Variants in EBF1 observed in about 807,000 individuals in gnomAD.
The protein encoded by EBF1 is EBF transcription factor 1, also known as transcription factor COE1.
A neutral mutation model predicts 68.4 loss-of-function variants in EBF1; 10 were observed. The ratio of observed to expected loss-of-function variants is 0.15; its 90% confidence interval spans 0.09 to 0.25. EBF1 has a LOEUF of 0.25. Among genes scored for constraint, EBF1 ranks in the 10% least tolerant of loss-of-function variants. The pLI is 1.00. For missense variants in EBF1, 509 were observed against 794.4 expected (o/e 0.64, Z 4.32); for synonymous variants, 298 against 299.8 (o/e 0.99, Z 0.06).
chr5:158,912,341 AATTT>A (rs1806172626), intron 6 of EBF1, among the ~76,000 whole-genome samples: 1 of 152,228 alleles, frequency 6.6e-6, no homozygotes, highest in East Asian at 1.9e-4. Flanking sequence ...AGCTTTGCCC[AATTT>A]AAAATGGAGT....
intron 6 of EBF1, among the ~76,000 whole-genome samples, chr5:159,064,728 C>G (rs775793022): frequency 2.0e-5 from 3 of 152,014 alleles, no homozygotes; most frequent in Non-Finnish European, 4.4e-5. Context: ...TGAGACATAT[C>G]CCATATATCT....
At chr5:159,059,553 T>C (rs1213158000) in intron 6 of EBF1, among the ~76,000 whole-genome samples, 1 of 152,234 alleles carries the variant, frequency 6.6e-6, no homozygotes. Context: ...CCAGTATGCA[T>C]TTGAGTAATT....
chr5:158,864,223 CAAAAAAAAA>C lies in EBF1; in HGVS notation c.555-24122_555-24114del, dbSNP rs34498854. 2.6e-4 allele frequency among the ~76,000 whole-genome samples: 15 copies of C among 58,568 alleles called. 1 individual carries two copies. Among genetic ancestry groups the C allele is most frequent in the Admixed American group, 1.8e-3 (8 of 4,428 alleles). The allele number at this position is 58,568 out of a possible 152,430, so 38.4% of individuals were successfully genotyped here. ...TGGGTGACAGAGCAAGACTCTGTCT[CAAAAAAAAA>C]AAAAAAAAAAAAAAAAATCTAACTC... On this transcript the variant is annotated intron_variant, in intron 6 of 15. Coordinates refer to ENST00000313708, the MANE Select transcript of EBF1 (RefSeq NM_024007.5).
chr5:158,948,683 A>G (rs776335704), intron 6 of EBF1, among the ~76,000 whole-genome samples: 2 of 152,202 alleles, frequency 1.3e-5, no homozygotes, highest in African/African-American at 2.4e-5. Context: ...CCCAGAGCCA[A>G]ATGAACCCTC....
chr5:158,936,926 A>G (rs2127457595), intron 6 of EBF1, among the ~76,000 whole-genome samples: 1 of 152,262 alleles, frequency 6.6e-6, no homozygotes, highest in Non-Finnish European at 1.5e-5. Flanking sequence ...GGAAGGAGGG[A>G]TTGTTTTTAT....
At position 158,708,187 on chromosome 5, in the gene EBF1, T is replaced by A; in HGVS notation, c.1550-14A>T. ...TGGATGGCACTACTGAGAGGGGCAA[T>A]GAGAAAGGAGAAATCAGTGCCTTTC... On this transcript the variant is annotated splice_polypyrimidine_tract_variant and intron_variant, in intron 14 of 15. Coordinates refer to ENST00000313708, the MANE Select transcript of EBF1 (RefSeq NM_024007.5). 6.4e-7 allele frequency: 1 copy of A among 1,566,262 alleles called. No individual in the cohort carries two copies. The highest frequency in any genetic ancestry group is 1.2e-5 in the South Asian group (1 of 85,110).
chr5:159,040,440 G>A (rs1358463078), intron 6 of EBF1, among the ~76,000 whole-genome samples: 1 of 152,154 alleles, frequency 6.6e-6, no homozygotes, highest in African/African-American at 2.4e-5. Flanking sequence ...CTGAAGCTGA[G>A]TTGGCAGTGG....
intron 9 of EBF1, among the ~76,000 whole-genome samples, chr5:158,778,853 A>T (rs1480148263): frequency 6.6e-6 from 1 of 152,182 alleles, no homozygotes; most frequent in Non-Finnish European, 1.5e-5. Context: ...GCCCTAAATG[A>T]CTGTTGAGGT....
intron 6 of EBF1, among the ~76,000 whole-genome samples, chr5:158,844,855 C>G (rs1363209644): frequency 6.6e-6 from 1 of 152,092 alleles, no homozygotes; most frequent in African/African-American, 2.4e-5. Context: ...CTAACTGAAC[C>G]CAATACAAAC....
At chr5:158,713,243 AT>A in intron 12 of EBF1, 96 bp from the exon 13 acceptor site, 1 of 1,110,680 alleles carries the variant, frequency 9.0e-7, no homozygotes, top group Non-Finnish European at 1.2e-6. Flanking sequence ...AGGGTTTTCA[AT>A]GGTCAGCTGC....
intron 6 of EBF1, among the ~76,000 whole-genome samples, chr5:158,997,495 A>G (rs530389121): frequency 6.6e-6 from 1 of 152,266 alleles, no homozygotes; most frequent in East Asian, 1.9e-4. Context: ...TCCAGATTCT[A>G]CCCTCAATGC....
At chr5:158,938,778 T>G (rs1812628455) in intron 6 of EBF1, among the ~76,000 whole-genome samples, 1 of 152,122 alleles carries the variant, frequency 6.6e-6, no homozygotes, top group African/African-American at 2.4e-5. Context: ...CCTAATTACC[T>G]CCCAAAAACC....
At chr5:158,781,081 C>T (rs749404847) in intron 9 of EBF1, among the ~76,000 whole-genome samples, 2 of 152,162 alleles carry the variant, frequency 1.3e-5, no homozygotes, top group Admixed American at 6.5e-5. Context: ...AATCATAAGA[C>T]GTAAGACTTG....
chr5:158,885,897 A>G (rs934971333), intron 6 of EBF1, among the ~76,000 whole-genome samples: 3 of 152,216 alleles, frequency 2.0e-5, no homozygotes, highest in Non-Finnish European at 4.4e-5. Flanking sequence ...CAAATGTAGC[A>G]GGTATATTCT....
chr5:159,047,869 T>A (rs750897319), intron 6 of EBF1, among the ~76,000 whole-genome samples: 1 of 152,198 alleles, frequency 6.6e-6, no homozygotes, highest in Non-Finnish European at 1.5e-5. Flanking sequence ...CATCAAAGTC[T>A]GCTTTCTGAT....
chr5:158,951,425 A>C (rs1815945651), intron 6 of EBF1, among the ~76,000 whole-genome samples: 1 of 152,188 alleles, frequency 6.6e-6, no homozygotes, highest in Non-Finnish European at 1.5e-5. Flanking sequence ...GCACGTTCAC[A>C]ATGGTGATTT....
intron 9 of EBF1, among the ~76,000 whole-genome samples, chr5:158,792,419 G>C (rs983677882): frequency 1.3e-5 from 2 of 152,132 alleles, no homozygotes; most frequent in Non-Finnish European, 2.9e-5. Context: ...CTACTCATTG[G>C]CAGAAGATTG....
intron 6 of EBF1, among the ~76,000 whole-genome samples, chr5:158,914,055 G>T (rs778111330): frequency 2.0e-5 from 3 of 152,128 alleles, no homozygotes; most frequent in Non-Finnish European, 4.4e-5. Context: ...ATGTGGTGGG[G>T]CCACACCCTG....
rs115069118 is a variant in EBF1, at chr5:158,738,531, G to A, written c.1037-7374C>T. Among the ~76,000 whole-genome samples, 954 of 152,318 alleles carry A rather than the reference G, an allele frequency of 6.3e-3. 3 individuals carry two copies. Among genetic ancestry groups the A allele is most frequent in the East Asian group, 0.038 (199 of 5,184 alleles). ...GTGTTAACAGTCACAATGATTCCTT[G>A]TAGAGGTGCCATTTTAAACATACCC... On this transcript the variant is annotated intron_variant, in intron 10 of 15. Coordinates refer to ENST00000313708, the MANE Select transcript of EBF1 (RefSeq NM_024007.5).
Sources: allele counts gnomAD v4.1 joint callset (sites outside exome capture counted in the v4.1 genomes callset), GRCh38; gene constraint gnomAD v4.1.1; transcripts MANE v1.5; gene names NCBI Gene and HGNC (gene_info 2026-07-23, HGNC 2026-07-21).